The following HS3ST3A1 variants were observed in gnomAD, a reference collection of about 807,000 sequenced individuals.
HS3ST3A1 encodes heparan sulfate glucosamine 3-O-sulfotransferase 3A1.
Under a neutral mutation model 25.7 loss-of-function variants are expected in HS3ST3A1, and 19 were observed. The observed-to-expected ratio is 0.74, with a 90% CI of 0.52 to 1.08. The LOEUF (loss-of-function observed/expected upper bound fraction) is 1.08, where lower values mean the gene tolerates loss of function less well. Ranked by LOEUF, HS3ST3A1 falls within the 50% of genes least tolerant of loss-of-function variation. HS3ST3A1 has a pLI of 0.00. For missense variants in HS3ST3A1, 459 were observed against 594.3 expected (o/e 0.77, Z 2.37); for synonymous variants, 226 against 278.6 (o/e 0.81, Z 1.88).
At position 13,539,827 on chromosome 17, in the gene HS3ST3A1, C is replaced by T. The variant is rs114653276; in HGVS notation, c.600-43009G>A. 5.5e-3 allele frequency among the ~76,000 whole-genome samples: 834 copies of T among 152,262 alleles called. 8 individuals are homozygous for T. Among genetic ancestry groups the T allele is most frequent in the African/African-American group, 0.019 (789 of 41,554 alleles). On this transcript the variant is annotated intron_variant, in intron 1 of 1. Coordinates refer to ENST00000284110, the MANE Select transcript of HS3ST3A1 (RefSeq NM_006042.3). The stretch of plus-strand genomic sequence containing the variant: ...TTGAGCTTCTAAGAGTCTGAAGGGT[C>T]CTCAGAAAAAAATTCTGATTTTGTA...
intron 1 of HS3ST3A1, among the ~76,000 whole-genome samples, chr17:13,528,514 T>C (rs1344727099): frequency 6.6e-6 from 1 of 152,130 alleles, no homozygotes; most frequent in Admixed American, 6.5e-5. Flanking sequence ...TGCTCCAGAG[T>C]TCCCCATTGG....
chr17:13,519,350 GTGAA>G (rs1265427733), intron 1 of HS3ST3A1, among the ~76,000 whole-genome samples: 1 of 152,168 alleles, frequency 6.6e-6, no homozygotes, highest in Non-Finnish European at 1.5e-5. Flanking sequence ...TTGAACATCA[GTGAA>G]TGAGACACTT....
chr17:13,528,924 A>G (rs1598415359), intron 1 of HS3ST3A1, among the ~76,000 whole-genome samples: 1 of 144,802 alleles, frequency 6.9e-6, no homozygotes, highest in African/African-American at 2.6e-5. Flanking sequence ...GGACGTGTGC[A>G]GTGGTCGGGG....
intron 1 of HS3ST3A1, among the ~76,000 whole-genome samples, chr17:13,533,420 C>G (rs1221617590): frequency 6.6e-6 from 1 of 151,390 alleles, no homozygotes; most frequent in Non-Finnish European, 1.5e-5. Flanking sequence ...GGAGAAAGGT[C>G]TGGAACAGAG....
At chr17:13,506,462 G>T (rs73982016) in intron 1 of HS3ST3A1, among the ~76,000 whole-genome samples, 1 of 152,170 alleles carries the variant, frequency 6.6e-6, no homozygotes, top group African/African-American at 2.4e-5. Flanking sequence ...CTGAAGTAAG[G>T]CTCCACCAAT....
At chr17:13,534,013 C>T (rs1906692388) in intron 1 of HS3ST3A1, among the ~76,000 whole-genome samples, 2 of 152,088 alleles carry the variant, frequency 1.3e-5, no homozygotes, top group Admixed American at 6.6e-5. Flanking sequence ...TTCCATAGAT[C>T]CCGAAGCAAT....
At chr17:13,521,746 G>A (rs1292691656) in intron 1 of HS3ST3A1, among the ~76,000 whole-genome samples, 1 of 152,168 alleles carries the variant, frequency 6.6e-6, no homozygotes, top group Admixed American at 6.5e-5. Flanking sequence ...TTATCATATT[G>A]TTACAGGCAA....
In HS3ST3A1 at chr17:13,529,491, C is replaced by G. The variant is rs1183702427; in HGVS notation, c.600-32673G>C. Among the ~76,000 whole-genome samples, 5 of 152,118 alleles carry G rather than the reference C, an allele frequency of 3.3e-5. No individual in the cohort carries two copies. In the South Asian group the frequency reaches 1.0e-3, roughly 32 times the overall value. On this transcript the variant is annotated intron_variant, in intron 1 of 1. Coordinates refer to ENST00000284110, the MANE Select transcript of HS3ST3A1 (RefSeq NM_006042.3). ...TTACCAAACTGCATTCCAAGAAACACAGAGTCCTGTGGGTTTTTCATTAAA... is the reference window on the plus strand; with the variant it reads ...TTACCAAACTGCATTCCAAGAAACAGAGAGTCCTGTGGGTTTTTCATTAAA...
At chr17:13,540,710 C>T (rs942222165) in intron 1 of HS3ST3A1, among the ~76,000 whole-genome samples, 12 of 152,194 alleles carry the variant, frequency 7.9e-5, no homozygotes, top group African/African-American at 1.7e-4. Context: ...GTTCATTGAG[C>T]GAACTTCACT....
chr17:13,503,055 G>C (rs1428278519), intron 1 of HS3ST3A1, among the ~76,000 whole-genome samples: 1 of 151,528 alleles, frequency 6.6e-6, no homozygotes, highest in East Asian at 1.9e-4. Flanking sequence ...GCGTGTGCCT[G>C]TAGTCCCAGC....
At chr17:13,595,535 G>C (rs1908549919) in intron 1 of HS3ST3A1, among the ~76,000 whole-genome samples, 1 of 152,170 alleles carries the variant, frequency 6.6e-6, no homozygotes. Context: ...ATGCAAAGAT[G>C]AGGGAGTACA....
intron 1 of HS3ST3A1, among the ~76,000 whole-genome samples, chr17:13,540,682 T>C (rs535839529): frequency 6.6e-5 from 10 of 152,366 alleles, no homozygotes; most frequent in African/African-American, 2.4e-4. Context: ...GATCAGCCTT[T>C]GCTCACACAT....
At chr17:13,556,938 C>T (rs1251186198) in intron 1 of HS3ST3A1, among the ~76,000 whole-genome samples, 1 of 151,770 alleles carries the variant, frequency 6.6e-6, no homozygotes, top group Non-Finnish European at 1.5e-5. Flanking sequence ...CATACTTGCA[C>T]CCAGCAGAAT....
chr17:13,557,316 C>T (rs1388870089), intron 1 of HS3ST3A1, among the ~76,000 whole-genome samples: 3 of 152,092 alleles, frequency 2.0e-5, no homozygotes, highest in Non-Finnish European at 2.9e-5. Flanking sequence ...AATTAAAGGC[C>T]TGAGTAAAAC....
intron 1 of HS3ST3A1, among the ~76,000 whole-genome samples, chr17:13,506,738 G>A (rs143412968): frequency 1.8e-4 from 27 of 152,244 alleles, no homozygotes; most frequent in African/African-American, 6.0e-4. Context: ...TGCTTCCTCT[G>A]TGCCTGACAC....
chr17:13,525,101 C>T (rs1222834634), intron 1 of HS3ST3A1, among the ~76,000 whole-genome samples: 4 of 152,062 alleles, frequency 2.6e-5, no homozygotes, highest in Admixed American at 1.3e-4. Context: ...TCTGCATACT[C>T]GCAAGTCTGG....
At chr17:13,508,863 G>T (rs1389572426) in intron 1 of HS3ST3A1, among the ~76,000 whole-genome samples, 1 of 152,066 alleles carries the variant, frequency 6.6e-6, no homozygotes, top group Non-Finnish European at 1.5e-5. Flanking sequence ...GTAGGAATAT[G>T]TTGTACTTCC....
At chr17:13,563,482 G>A (rs563380273) in intron 1 of HS3ST3A1, among the ~76,000 whole-genome samples, 51 of 152,174 alleles carry the variant, frequency 3.4e-4, no homozygotes, top group Non-Finnish European at 6.5e-4. Context: ...TAGGCATTTT[G>A]TGAGGATGTA....
At chr17:13,568,666 T>C (rs1907732067) in intron 1 of HS3ST3A1, among the ~76,000 whole-genome samples, 1 of 152,236 alleles carries the variant, frequency 6.6e-6, no homozygotes, top group Admixed American at 6.5e-5. Context: ...TTCTACTGCC[T>C]CTTCCACACG....
Sources: allele counts gnomAD v4.1 joint callset (sites outside exome capture counted in the v4.1 genomes callset), GRCh38; gene constraint gnomAD v4.1.1; transcripts MANE v1.5; gene names NCBI Gene and HGNC (gene_info 2026-07-23, HGNC 2026-07-21).